SCAI: variants seen among roughly 807,000 people sequenced by gnomAD.
The protein encoded by SCAI is protein SCAI.
In SCAI, 24 loss-of-function variants were observed where a neutral mutation model predicts 92.2. The ratio of observed to expected loss-of-function variants is 0.26; its 90% CI spans 0.19 to 0.37. The LOEUF (loss-of-function observed/expected upper bound fraction) is 0.37, where lower values mean the gene tolerates loss of function less well. Among genes scored for constraint, SCAI ranks in the 10% least tolerant of loss-of-function variants. The probability of loss-of-function intolerance (pLI) is 1.00; values close to 1 mark genes in which losing one functional copy is unlikely to be tolerated. For missense variants in SCAI, 450 were observed against 736.2 expected (o/e 0.61, Z 4.50); for synonymous variants, 261 against 258.6 (o/e 1.01, Z -0.09).
intron 17 of SCAI, among the ~76,000 whole-genome samples, chr9:124,960,506 C>T (rs1178235509): frequency 6.6e-6 from 1 of 152,216 alleles, no homozygotes; most frequent in Non-Finnish European, 1.5e-5. Flanking sequence ...GAATGAGCTA[C>T]TGATATCTGA....
chr9:124,952,616 G>C lies in SCAI; in HGVS notation c.*191C>G. The stretch of plus-strand genomic sequence containing the variant: ...AAATTCCAAGGTTAAGATTTTAAAA[G>C]ACCTGAAAGGTTGCATTTTAAAACA... On this transcript the variant is annotated 3_prime_UTR_variant, in exon 18 of 18. Coordinates refer to ENST00000336505, the MANE Select transcript of SCAI (RefSeq NM_001144877.3). 2.1e-6 allele frequency: 1 copy of C among 477,734 alleles called. No individual in the cohort carries two copies. The highest frequency in any genetic ancestry group is 3.9e-5 in the Admixed American group (1 of 25,622). The allele number at this position is 477,734 out of a possible 1,614,324, so 29.6% of individuals were successfully genotyped here.
chr9:125,090,512 T>C (rs1834410224), intron 2 of SCAI, among the ~76,000 whole-genome samples: 1 of 150,874 alleles, frequency 6.6e-6, no homozygotes, highest in Admixed American at 6.6e-5. Flanking sequence ...AAGGAAGGAA[T>C]TTTTCCCTAA....
intron 17 of SCAI, 93 bp downstream of exon 17, chr9:124,971,277 A>T: frequency 3.3e-6 from 2 of 600,468 alleles, no homozygotes; most frequent in Non-Finnish European, 5.7e-6. Flanking sequence ...ATATTATTTT[A>T]TTATAACCTT....
intron 17 of SCAI, among the ~76,000 whole-genome samples, chr9:124,958,525 A>C (rs1831365969): frequency 6.6e-6 from 1 of 152,232 alleles, no homozygotes; most frequent in Non-Finnish European, 1.5e-5. Flanking sequence ...AAAAAACTTT[A>C]ACCTTTATCT....
chr9:124,998,482 T>C (rs1832291169), intron 13 of SCAI, among the ~76,000 whole-genome samples: 1 of 151,910 alleles, frequency 6.6e-6, no homozygotes, highest in African/African-American at 2.4e-5. Context: ...TACTAGAGGT[T>C]GGGAAGGGTA....
chr9:125,094,497 C>T (rs888149914), intron 2 of SCAI, among the ~76,000 whole-genome samples: 3 of 152,148 alleles, frequency 2.0e-5, no homozygotes, highest in Non-Finnish European at 4.4e-5. Context: ...CAGCAACACC[C>T]TTCCTTATAC....
intron 3 of SCAI, among the ~76,000 whole-genome samples, chr9:125,039,385 C>CAAAA (rs58716034): frequency 8.3e-5 from 4 of 48,282 alleles, no homozygotes; most frequent in African/African-American, 1.7e-4. Context: ...GACTCCATCT[C>CAAAA]AAAAAAAAAA....
intron 11 of SCAI, among the ~76,000 whole-genome samples, 182 bp downstream of exon 11, chr9:125,002,932 C>CA (rs372533970): frequency 0.049 from 5,536 of 112,668 alleles, 345 homozygotes; most frequent in African/African-American, 0.16. Context: ...ACCAGGAGTA[C>CA]AAAAAAAAAA....
intron 2 of SCAI, among the ~76,000 whole-genome samples, chr9:125,069,736 C>A (rs908540082): frequency 2.4e-4 from 36 of 150,514 alleles, no homozygotes; most frequent in African/African-American, 8.6e-4. Flanking sequence ...CAATTCTCTG[C>A]CTTAGCCTCC....
At chr9:125,076,006 T>C (rs1167051616) in intron 2 of SCAI, among the ~76,000 whole-genome samples, 1 of 151,654 alleles carries the variant, frequency 6.6e-6, no homozygotes, top group African/African-American at 2.4e-5. Context: ...CCAACAGACA[T>C]TTCCTTGTTG....
At chr9:125,093,834 G>T (rs1369827969) in intron 2 of SCAI, among the ~76,000 whole-genome samples, 1 of 152,038 alleles carries the variant, frequency 6.6e-6, no homozygotes, top group Non-Finnish European at 1.5e-5. Flanking sequence ...AAAGTGCTGG[G>T]ATTACAGGCG....
At chr9:125,079,969 C>T (rs1834177302) in intron 2 of SCAI, among the ~76,000 whole-genome samples, 1 of 152,014 alleles carries the variant, frequency 6.6e-6, no homozygotes, top group Non-Finnish European at 1.5e-5. Context: ...CATGTGAATT[C>T]TAAAAGGTAC....
Position 124,947,773 on chromosome 9 carries a change from A to G in SCAI, c.*5034T>C, listed in dbSNP as rs1385823517. On this transcript the variant is annotated 3_prime_UTR_variant, in exon 18 of 18. Coordinates refer to ENST00000336505, the MANE Select transcript of SCAI (RefSeq NM_001144877.3). Reference sequence around the variant, plus strand: ...AGAGCCCTCAAGGTAAATACCCTCTATGATTTCCAAACACACACAGGAACA... The same window carrying G: ...AGAGCCCTCAAGGTAAATACCCTCTGTGATTTCCAAACACACACAGGAACA... 6.6e-6 allele frequency: 1 copy of G among 152,242 alleles called. No homozygotes were observed. The highest frequency in any genetic ancestry group is 6.5e-5 in the Admixed American group (1 of 15,288). The allele number at this position is 152,242 out of a possible 1,614,324, so 9.4% of individuals were successfully genotyped here. A position where few individuals can be genotyped will look rare whatever the true frequency, so the allele number is the denominator to read the frequency against.
At chr9:124,968,091 T>C (rs1356454291) in intron 17 of SCAI, among the ~76,000 whole-genome samples, 1 of 152,048 alleles carries the variant, frequency 6.6e-6, no homozygotes, top group African/African-American at 2.4e-5. Context: ...AATCAGACAA[T>C]TAATCCAAAA....
intron 2 of SCAI, among the ~76,000 whole-genome samples, chr9:125,111,412 A>T (rs944438922): frequency 2.0e-5 from 3 of 152,206 alleles, no homozygotes; most frequent in African/African-American, 7.2e-5. Context: ...CTATCTGGAA[A>T]AAAAGGAAGA....
intron 2 of SCAI, among the ~76,000 whole-genome samples, chr9:125,063,260 T>A (rs984686180): frequency 3.3e-5 from 5 of 150,092 alleles, no homozygotes; most frequent in African/African-American, 1.2e-4. Context: ...AATACAAAAA[T>A]TAGATAGGCA....
chr9:125,131,753 CT>C (rs1338997665), intron 2 of SCAI, among the ~76,000 whole-genome samples: 1 of 152,226 alleles, frequency 6.6e-6, no homozygotes, highest in Admixed American at 6.5e-5. Context: ...ACCAAAACCA[CT>C]GCATTTGCTG....
intron 17 of SCAI, among the ~76,000 whole-genome samples, chr9:124,970,961 C>T (rs1290480457): frequency 3.3e-5 from 5 of 151,856 alleles, no homozygotes; most frequent in East Asian, 2.0e-4. Context: ...ATTACAGGCG[C>T]GTGCCACCAT....
intron 9 of SCAI, among the ~76,000 whole-genome samples, chr9:125,007,364 G>A (rs540074272): frequency 5.3e-5 from 8 of 152,056 alleles, no homozygotes; most frequent in Non-Finnish European, 7.4e-5. Context: ...TGAAGAAATA[G>A]AGAATTCTGC....
Sources: gnomAD v4.1 joint callset for allele counts (sites outside exome capture counted in the v4.1 genomes callset) on GRCh38, gnomAD v4.1.1 for gene constraint, MANE v1.5 for transcripts, NCBI Gene and HGNC (gene_info 2026-07-23, HGNC 2026-07-21) for gene names.